Variants in ABTB3 observed in about 807,000 individuals in gnomAD.
ABTB3 encodes the protein ankyrin repeat- and BTB/POZ domain-containing protein 3.
chr12:107,579,735 G>A, the ABTB3 span, among the ~76,000 whole-genome samples: 4 of 152,180 alleles, frequency 2.6e-5, no homozygotes, highest in South Asian at 6.2e-4. Context: ...CCCCAGGGCC[G>A]GGGGAGGCAA....
the ABTB3 span, among the ~76,000 whole-genome samples, chr12:107,643,770 T>TG: frequency 4.3e-5 from 6 of 140,264 alleles, no homozygotes; most frequent in African/African-American, 5.5e-5. Context: ...TTTTTTTTTT[T>TG]GTTGAGAGAG....
the ABTB3 span, among the ~76,000 whole-genome samples, chr12:107,407,035 T>A: frequency 6.6e-6 from 1 of 152,158 alleles, no homozygotes; most frequent in South Asian, 2.1e-4. Flanking sequence ...TATTTCCTCA[T>A]CTTTAAAATA....
At chr12:107,485,910 C>T in the ABTB3 span, among the ~76,000 whole-genome samples, 14 of 152,262 alleles carry the variant, frequency 9.2e-5, 1 homozygote, top group East Asian at 1.9e-3. Flanking sequence ...TTCCTGCTAA[C>T]GAAATACATT....
chr12:107,581,284 C>G, the ABTB3 span: 4 of 1,451,540 alleles, frequency 2.8e-6, no homozygotes, highest in Middle Eastern at 1.0e-3. Flanking sequence ...CCGGCGTGGA[C>G]TGCGAGCCGC....
At chr12:107,337,126 C>G in the ABTB3 span, among the ~76,000 whole-genome samples, 2 of 152,240 alleles carry the variant, frequency 1.3e-5, no homozygotes, top group African/African-American at 4.8e-5. Context: ...TCTGCATAGA[C>G]TTTTGGATCT....
the ABTB3 span, among the ~76,000 whole-genome samples, chr12:107,487,597 G>C: frequency 6.6e-6 from 1 of 152,134 alleles, no homozygotes; most frequent in Non-Finnish European, 1.5e-5. Flanking sequence ...TTAAGGAGGA[G>C]TAAATCAGCA....
the ABTB3 span, among the ~76,000 whole-genome samples, chr12:107,382,843 G>A: frequency 6.6e-6 from 1 of 152,168 alleles, no homozygotes; most frequent in East Asian, 1.9e-4. Context: ...AAACCACCAT[G>A]GCATGTGTAT....
the ABTB3 span, among the ~76,000 whole-genome samples, chr12:107,388,852 T>G: frequency 1.3e-5 from 2 of 152,344 alleles, no homozygotes; most frequent in Non-Finnish European, 2.9e-5. Context: ...AAGTTGTTAA[T>G]GATGATGATG....
chr12:107,318,535 T>TCCG, the ABTB3 span: 1 of 159,642 alleles, frequency 6.3e-6, no homozygotes, highest in Admixed American at 6.4e-5. Context: ...CCCGCGGAGC[T>TCCG]GCGGCGGCGG....
chr12:107,346,864 G>A, the ABTB3 span, among the ~76,000 whole-genome samples: 1 of 152,178 alleles, frequency 6.6e-6, no homozygotes, highest in Admixed American at 6.5e-5. Flanking sequence ...AATAGCAGAG[G>A]CCAAAGTATC....
chr12:107,346,562 C>G, the ABTB3 span, among the ~76,000 whole-genome samples: 1 of 152,080 alleles, frequency 6.6e-6, no homozygotes, highest in Non-Finnish European at 1.5e-5. Flanking sequence ...CGGGTTCAAG[C>G]AATTCTTCTG....
the ABTB3 span, chr12:107,618,272 G>A: frequency 3.1e-6 from 5 of 1,613,564 alleles, no homozygotes; most frequent in Non-Finnish European, 4.2e-6. Flanking sequence ...CGCCCCCCTT[G>A]TGCGCCAGCC....
At chr12:107,414,206 C>T in the ABTB3 span, among the ~76,000 whole-genome samples, 1 of 152,110 alleles carries the variant, frequency 6.6e-6, no homozygotes, top group Admixed American at 6.5e-5. Flanking sequence ...ACTTTTTCAG[C>T]CACACAGCAT....
chr12:107,634,934 C>T, the ABTB3 span: 1 of 171,724 alleles, frequency 5.8e-6, no homozygotes, highest in Admixed American at 6.3e-5. Context: ...TTCACTGCTT[C>T]CAGAATTTTA....
At chr12:107,360,713 G>A in the ABTB3 span, among the ~76,000 whole-genome samples, 2 of 152,114 alleles carry the variant, frequency 1.3e-5, no homozygotes, top group Non-Finnish European at 2.9e-5. Context: ...CGAAGGTTGT[G>A]CTCACCAAAG....
At chr12:107,514,123 G>C in the ABTB3 span, among the ~76,000 whole-genome samples, 2 of 152,214 alleles carry the variant, frequency 1.3e-5, no homozygotes, top group African/African-American at 4.8e-5. Flanking sequence ...GCAGAAGCTG[G>C]CTGGAGAGCA....
the ABTB3 span, among the ~76,000 whole-genome samples, chr12:107,381,904 G>T: frequency 1.5e-3 from 224 of 152,278 alleles, 1 homozygote; most frequent in African/African-American, 5.0e-3. Context: ...TATGTAAATC[G>T]CAGAGATAGC....
the ABTB3 span, among the ~76,000 whole-genome samples, chr12:107,324,091 A>T: frequency 3.3e-5 from 5 of 152,228 alleles, no homozygotes; most frequent in Admixed American, 2.0e-4. Flanking sequence ...AAATGAGATT[A>T]TGTGTCTAAG....
At chr12:107,606,117 G>A in the ABTB3 span, among the ~76,000 whole-genome samples, 2 of 152,166 alleles carry the variant, frequency 1.3e-5, no homozygotes, top group Non-Finnish European at 2.9e-5. Flanking sequence ...AGGTCCCACT[G>A]AAGAGGGCAG....
Sources: allele counts gnomAD v4.1 joint callset (sites outside exome capture counted in the v4.1 genomes callset), GRCh38; gene constraint gnomAD v4.1.1; transcripts MANE v1.5; gene names NCBI Gene and HGNC (gene_info 2026-07-23, HGNC 2026-07-21).